Variants in KLHL29 observed in about 807,000 individuals in gnomAD.
KLHL29 encodes kelch-like protein 29.
In KLHL29, 21 loss-of-function variants were observed where a neutral mutation model predicts 80.4. That is an observed-to-expected ratio of 0.26 (90% CI 0.19 to 0.38). The LOEUF is 0.38. Ranked by LOEUF, KLHL29 falls within the 10% of genes least tolerant of loss-of-function variation. The pLI is 1.00. For synonymous variants in KLHL29, 511 were observed against 526.8 expected (o/e 0.97, Z 0.41); for missense variants, 867 against 1,223.9 (o/e 0.71, Z 4.35).
intron 2 of KLHL29, among the ~76,000 whole-genome samples, chr2:23,533,930 CTGT>C (rs1195907643): frequency 1.0e-4 from 14 of 134,498 alleles, no homozygotes; most frequent in African/African-American, 2.9e-4. Context: ...CCTATGGTGT[CTGT>C]TGTTTTTTTT....
intron 3 of KLHL29, among the ~76,000 whole-genome samples, chr2:23,597,305 A>ATGTGTGTGTGTGTGTG (rs1414492384): frequency 0.012 from 1,131 of 97,250 alleles, 15 homozygotes; most frequent in East Asian, 0.034. Flanking sequence ...TCATATATAT[A>ATGTGTGTGTGTGTGTG]TATATGTGTG....
intron 1 of KLHL29, among the ~76,000 whole-genome samples, chr2:23,439,241 T>C (rs1663438526): frequency 1.3e-5 from 2 of 152,122 alleles, no homozygotes; most frequent in Admixed American, 6.5e-5. Flanking sequence ...ATCAATTTTG[T>C]TGATCGTTTC....
chr2:23,697,709 TATC>T (rs149272269), intron 11 of KLHL29: 1 of 152,156 alleles, frequency 6.6e-6, no homozygotes, highest in Non-Finnish European at 1.5e-5. Flanking sequence ...AACATTTAGT[TATC>T]ATATTGATCT....
At chr2:23,611,492 C>T (rs533543688) in intron 3 of KLHL29, among the ~76,000 whole-genome samples, 1 of 152,266 alleles carries the variant, frequency 6.6e-6, no homozygotes, top group East Asian at 1.9e-4. Context: ...TTAAGGTGAT[C>T]CCGTATTACT....
In KLHL29 at chr2:23,696,969, C is replaced by CG. The variant is rs148088598; in HGVS notation, c.2105+462dup. 3.7e-5 allele frequency: 6 copies of CG among 161,418 alleles called. No individual in the cohort carries two copies. The highest frequency in any genetic ancestry group is 1.7e-4 in the South Asian group (1 of 5,818). 10.0% of individuals were successfully genotyped at this position (161,418 alleles called of 1,614,324 possible). On this transcript the variant is annotated intron_variant, in intron 11 of 13. Transcript: ENST00000486442. The surrounding 1 kb of genome is among the most constrained non-coding windows in gnomAD (Gnocchi z 5.5). ...GGCGGTGCCTCCTTGTCCTGCCAAG[C>CG]GGGGGGTCCCACACCAGGGAGCTCC...
At chr2:23,499,568 C>A (rs1160991024) in intron 2 of KLHL29, among the ~76,000 whole-genome samples, 1 of 152,170 alleles carries the variant, frequency 6.6e-6, no homozygotes, top group Non-Finnish European at 1.5e-5. Context: ...TCAGCAATTG[C>A]ACTTCTCAGA....
At chr2:23,393,349 G>T (rs1350163290) in intron 1 of KLHL29, among the ~76,000 whole-genome samples, 2 of 152,208 alleles carry the variant, frequency 1.3e-5, no homozygotes, top group African/African-American at 4.8e-5. Context: ...TTGTAATCTG[G>T]ATGGAATCTT....
intron 2 of KLHL29, among the ~76,000 whole-genome samples, chr2:23,502,733 A>G (rs76307609): frequency 6.6e-6 from 1 of 152,164 alleles, no homozygotes; most frequent in African/African-American, 2.4e-5. Context: ...TCTTATTCCC[A>G]TGATGCTGGT....
intron 5 of KLHL29, among the ~76,000 whole-genome samples, chr2:23,654,235 C>T (rs1177375803): frequency 6.6e-6 from 1 of 152,050 alleles, no homozygotes; most frequent in Non-Finnish European, 1.5e-5. Context: ...ACCTAGTCAG[C>T]TATGTTTCTC....
At chr2:23,693,619 C>T in intron 8 of KLHL29, 91 bp downstream of exon 8, 1 of 1,301,152 alleles carries the variant, frequency 7.7e-7, no homozygotes, top group East Asian at 2.6e-5. Context: ...GGAAGTGAAC[C>T]TTCCTTGTCC....
intron 1 of KLHL29, among the ~76,000 whole-genome samples, chr2:23,465,558 G>GC (rs1314865690): frequency 3.9e-5 from 6 of 152,178 alleles, no homozygotes; most frequent in Admixed American, 1.3e-4. Context: ...GCAGGACAGA[G>GC]CCCCAGCTGG....
chr2:23,690,796 A>C (rs1391162621), intron 6 of KLHL29: 1 of 152,304 alleles, frequency 6.6e-6, no homozygotes, highest in African/African-American at 2.4e-5. Flanking sequence ...GGCAGCTGCC[A>C]GGCCTTAGGA....
At chr2:23,671,464 C>T (rs1330897507) in intron 5 of KLHL29, among the ~76,000 whole-genome samples, 1 of 152,184 alleles carries the variant, frequency 6.6e-6, no homozygotes, top group Non-Finnish European at 1.5e-5. Flanking sequence ...AGCGAGGTTT[C>T]ATGAGCACAT....
At chr2:23,505,573 T>C in intron 2 of KLHL29, among the ~76,000 whole-genome samples, 1 of 152,212 alleles carries the variant, frequency 6.6e-6, no homozygotes, top group East Asian at 1.9e-4. Flanking sequence ...GGCTGCCCCA[T>C]CCCTGCATCC....
intron 2 of KLHL29, among the ~76,000 whole-genome samples, chr2:23,478,523 A>G (rs1664697011): frequency 6.6e-6 from 1 of 152,206 alleles, no homozygotes. Flanking sequence ...AATCACCCAA[A>G]TAAGTAAGAA....
chr2:23,597,949 G>C (rs1668469976), intron 3 of KLHL29, among the ~76,000 whole-genome samples: 1 of 152,182 alleles, frequency 6.6e-6, no homozygotes, highest in Non-Finnish European at 1.5e-5. Context: ...TGCACAGGAT[G>C]CCTCTGGAGC....
chr2:23,702,113 G>A (rs1005002438), intron 11 of KLHL29, among the ~76,000 whole-genome samples: 3 of 151,888 alleles, frequency 2.0e-5, no homozygotes, highest in Non-Finnish European at 2.9e-5. Context: ...GTGAGCCATC[G>A]CGCCCAGCCC....
intron 1 of KLHL29, among the ~76,000 whole-genome samples, chr2:23,400,442 G>GT (rs1666571993): frequency 6.6e-6 from 1 of 152,200 alleles, no homozygotes; most frequent in African/African-American, 2.4e-5. Context: ...TCTTGGGTGA[G>GT]TTTGTAGCCT....
At chr2:23,480,347 C>T (rs543882879) in intron 2 of KLHL29, among the ~76,000 whole-genome samples, 13 of 152,260 alleles carry the variant, frequency 8.5e-5, no homozygotes, top group Middle Eastern at 3.4e-3. Context: ...ATTAGCCGGG[C>T]ATGGTGACAC....
Sources: allele counts gnomAD v4.1 joint callset (sites outside exome capture counted in the v4.1 genomes callset), GRCh38; gene constraint gnomAD v4.1.1; non-coding constraint Gnocchi (gnomAD v3.1); transcripts MANE v1.5; gene names NCBI Gene and HGNC (gene_info 2026-07-23, HGNC 2026-07-21).